Variants in AGBL4 observed in about 807,000 individuals in gnomAD.
AGBL4 encodes cytosolic carboxypeptidase 6.
In AGBL4, 58 loss-of-function variants were observed where a neutral mutation model predicts 66.4. That is an observed-to-expected ratio of 0.87 (90% CI 0.71 to 1.09). The LOEUF is 1.09. AGBL4 is among the 50% of genes least tolerant of loss of function. The probability of loss-of-function intolerance (pLI) is 0.00; values close to 1 mark genes in which losing one functional copy is unlikely to be tolerated. For synonymous variants in AGBL4, 234 were observed against 222.9 expected, an observed-to-expected ratio of 1.05 and a Z score of -0.44; for missense variants, 579 against 631.0, an observed-to-expected ratio of 0.92 and a Z score of 0.88.
chr1:49,361,471 C>G (rs1241069938), intron 3 of AGBL4, among the ~76,000 whole-genome samples: 2 of 152,066 alleles, frequency 1.3e-5, no homozygotes, highest in Non-Finnish European at 2.9e-5. Context: ...ACTACAGGTG[C>G]CCACCATCAT....
At chr1:48,679,569 T>C (rs1233939825) in intron 6 of AGBL4, among the ~76,000 whole-genome samples, 1 of 152,034 alleles carries the variant, frequency 6.6e-6, no homozygotes, top group African/African-American at 2.4e-5. Context: ...TTCTTTTAAT[T>C]CTCACAACCA....
chr1:49,460,314 T>G (rs1384121928), intron 3 of AGBL4, among the ~76,000 whole-genome samples: 1 of 151,712 alleles, frequency 6.6e-6, no homozygotes, highest in African/African-American at 2.4e-5. Flanking sequence ...ATTTTCCTTT[T>G]GGGTTAGTCC....
At chr1:48,547,956 T>C (rs1207280692) in intron 11 of AGBL4, among the ~76,000 whole-genome samples, 1 of 152,154 alleles carries the variant, frequency 6.6e-6, no homozygotes, top group East Asian at 1.9e-4. Context: ...ACATGGTACA[T>C]TGAAGCAAAG....
At chr1:48,662,671 A>G (rs1646126834) in intron 7 of AGBL4, among the ~76,000 whole-genome samples, 1 of 152,224 alleles carries the variant, frequency 6.6e-6, no homozygotes, top group African/African-American at 2.4e-5. Flanking sequence ...TCTGATGCCA[A>G]GTGTGCTTAC....
Position 49,153,547 on chromosome 1 carries a change from C to T in AGBL4, c.377+92223G>A, listed in dbSNP as rs147518144. Among the ~76,000 whole-genome samples, 521 of 152,186 alleles carry T rather than the reference C, an allele frequency of 3.4e-3. 3 individuals carry two copies. The highest frequency in any genetic ancestry group is 0.018 in the South Asian group (86 of 4,818). On this transcript the variant is annotated intron_variant, in intron 4 of 13. Transcript: ENST00000371839. Reference sequence around the variant, plus strand: ...ACAATAGCTTCCTTTATACCACCATCTAATAGAGTAAGTAGCCCTTCCATC... The same window carrying T: ...ACAATAGCTTCCTTTATACCACCATTTAATAGAGTAAGTAGCCCTTCCATC...
chr1:49,209,101 T>C (rs547505758), intron 4 of AGBL4, among the ~76,000 whole-genome samples: 1 of 152,266 alleles, frequency 6.6e-6, no homozygotes, highest in East Asian at 1.9e-4. Flanking sequence ...AATCCAGCAC[T>C]AACACATATA....
intron 5 of AGBL4, among the ~76,000 whole-genome samples, chr1:48,874,442 C>G (rs898219220): frequency 2.0e-5 from 3 of 152,160 alleles, no homozygotes; most frequent in Admixed American, 6.6e-5. Flanking sequence ...TAGGACTGAT[C>G]ATTCTAAAAT....
chr1:49,206,859 TGGAGAGGAGAGGAGAGGAGAGGAGA>T (rs71056687), intron 4 of AGBL4, among the ~76,000 whole-genome samples: 41 of 63,900 alleles, frequency 6.4e-4, no homozygotes, highest in African/African-American at 1.3e-3. Context: ...AGACTTTAGA[TGGAGAGGAGAGGAGAGGAGAGGAGA>T]GGAGAGGAGA....
At chr1:49,469,420 G>A (rs945708172) in intron 3 of AGBL4, among the ~76,000 whole-genome samples, 2 of 151,734 alleles carry the variant, frequency 1.3e-5, no homozygotes, top group Admixed American at 1.3e-4. Context: ...AATCAAATAA[G>A]AGATTGGGCC....
rs140352677 is a variant in AGBL4, at chr1:49,145,680, C to T, written c.378-99880G>A. 7.9e-3 allele frequency among the ~76,000 whole-genome samples: 1,202 copies of T among 152,168 alleles called. 20 individuals are homozygous for T. The highest frequency in any genetic ancestry group is 0.027 in the African/African-American group (1,132 of 41,528). On this transcript the variant is annotated intron_variant, in intron 4 of 13. Coordinates refer to ENST00000371839, the MANE Select transcript of AGBL4 (RefSeq NM_032785.4). ...TTCCAACCACAGTGAGTAAGAACCT[C>T]GACTTCACGTGCCTAAGGTTCTTCA...
At chr1:49,933,348 C>A (rs1335422020) in intron 1 of AGBL4, among the ~76,000 whole-genome samples, 1 of 151,886 alleles carries the variant, frequency 6.6e-6, no homozygotes. Flanking sequence ...TAGAGGTTCC[C>A]AAACAAAAGC....
At chr1:48,931,959 C>T (rs746790130) in intron 5 of AGBL4, among the ~76,000 whole-genome samples, 4 of 152,150 alleles carry the variant, frequency 2.6e-5, no homozygotes, top group Non-Finnish European at 5.9e-5. Flanking sequence ...CAAAATCAGC[C>T]CATCCTTCCC....
chr1:49,239,177 A>C (rs562185046), intron 4 of AGBL4, among the ~76,000 whole-genome samples: 3 of 152,194 alleles, frequency 2.0e-5, no homozygotes, highest in Non-Finnish European at 4.4e-5. Context: ...AAAAACATAG[A>C]TCATTTTATG....
At chr1:49,925,124 G>A (rs969191371) in intron 1 of AGBL4, among the ~76,000 whole-genome samples, 1 of 152,148 alleles carries the variant, frequency 6.6e-6, no homozygotes, top group Non-Finnish European at 1.5e-5. Flanking sequence ...CTCATGGGGT[G>A]ACTCCATCCT....
At chr1:49,414,633 GCACCATTGCTATAAGA>G (rs1472789595) in intron 3 of AGBL4, among the ~76,000 whole-genome samples, 1 of 152,162 alleles carries the variant, frequency 6.6e-6, no homozygotes, top group Non-Finnish European at 1.5e-5. Flanking sequence ...ACAGGCTTAA[GCACCATTGCTATAAGA>G]GTGGTGCTCA....
chr1:49,456,012 A>G (rs1252371902), intron 3 of AGBL4, among the ~76,000 whole-genome samples: 1 of 151,720 alleles, frequency 6.6e-6, no homozygotes, highest in Non-Finnish European at 1.5e-5. Flanking sequence ...TCACTACTAC[A>G]TCTCCAACTT....
chr1:48,839,296 G>T (rs1224555254), intron 6 of AGBL4, among the ~76,000 whole-genome samples: 2 of 152,016 alleles, frequency 1.3e-5, no homozygotes. Context: ...TTAAAGAACG[G>T]ATGGATAAAG....
chr1:49,920,756 A>G (rs1328645522), intron 1 of AGBL4, among the ~76,000 whole-genome samples: 3 of 152,228 alleles, frequency 2.0e-5, no homozygotes, highest in African/African-American at 7.2e-5. Flanking sequence ...TACCCAAAGG[A>G]CTACAAATCA....
intron 3 of AGBL4, among the ~76,000 whole-genome samples, chr1:49,581,924 A>G (rs1369213932): frequency 6.6e-6 from 1 of 152,126 alleles, no homozygotes; most frequent in African/African-American, 2.4e-5. Context: ...TGGTAGCAGC[A>G]GTGGTGAAGT....
Sources: allele counts gnomAD v4.1 joint callset (sites outside exome capture counted in the v4.1 genomes callset), GRCh38; gene constraint gnomAD v4.1.1; transcripts MANE v1.5; gene names NCBI Gene and HGNC (gene_info 2026-07-23, HGNC 2026-07-21).